The following FBXO31 variants were observed in gnomAD, a reference collection of about 807,000 sequenced individuals.
The protein encoded by FBXO31 is F-box protein 31, also known as F-box only protein 31.
In FBXO31, 24 loss-of-function variants were observed where a neutral mutation model predicts 54.4. That is an observed-to-expected ratio of 0.44 (90% confidence interval 0.32 to 0.62). The LOEUF (loss-of-function observed/expected upper bound fraction) is 0.62, where lower values mean the gene tolerates loss of function less well. Among genes scored for constraint, FBXO31 ranks in the 20% least tolerant of loss-of-function variants. The pLI, the probability that FBXO31 is intolerant of heterozygous loss-of-function variation, is 0.05. For missense variants in FBXO31, 665 were observed against 787.1 expected, an observed-to-expected ratio of 0.84 and a Z score of 1.86; for synonymous variants, 388 against 335.6, an observed-to-expected ratio of 1.16 and a Z score of -1.71.
At position 87,383,583 on chromosome 16, in the gene FBXO31, C is replaced by G; in HGVS notation, c.162G>C (p.Leu54Phe). 1.3e-6 allele frequency: 2 copies of G among 1,488,612 alleles called. No individual in the cohort carries two copies. Among genetic ancestry groups the G allele is most frequent in the South Asian group, 1.3e-5 (1 of 77,310 alleles). The allele number at this position is 1,488,612 out of a possible 1,614,324, so 92.2% of individuals were successfully genotyped here. A position where few individuals can be genotyped will look rare whatever the true frequency, so the allele number is the denominator to read the frequency against. ...IEASAGVGGG[L>F]CAGPSPPPPR... ...GGGGCGGCGGCGAGGGGCCCGCGCA[C>G]AAGCCGCCCCCGACCCCGGCGCTAG... Residue 54 changes from leucine to phenylalanine, a missense_variant, in exon 1 of 9, where the codon TTG becomes TTC. Transcript: ENST00000311635. The surrounding 1 kb of genome is among the most constrained non-coding windows in gnomAD (Gnocchi z 4.9).
rs1904713231 is a variant in FBXO31, at chr16:87,328,127, G to A, written c.*3161C>T. 1 of 152,316 alleles carries A rather than the reference G, an allele frequency of 6.6e-6. No homozygotes were observed. The highest frequency in any genetic ancestry group is 1.5e-5 in the Non-Finnish European group (1 of 68,080). 9.4% of individuals were successfully genotyped at this position (152,316 alleles called of 1,614,324 possible). The stretch of plus-strand genomic sequence containing the variant: ...GAAAATGGCCTAACCGTGTGCAGGT[G>A]AGAAAGCCTGGGGGTGAACACGCCC... On this transcript the variant is annotated 3_prime_UTR_variant, in exon 9 of 9. Coordinates refer to ENST00000311635, the MANE Select transcript of FBXO31 (RefSeq NM_024735.5).
intron 1 of FBXO31, among the ~76,000 whole-genome samples, chr16:87,381,058 T>C (rs1907055198): frequency 6.6e-6 from 1 of 152,196 alleles, no homozygotes; most frequent in Non-Finnish European, 1.5e-5. Flanking sequence ...CGACACATCC[T>C]TGGGGAATCT....
chr16:87,360,779 C>T (rs905493431), intron 1 of FBXO31, among the ~76,000 whole-genome samples: 7 of 152,190 alleles, frequency 4.6e-5, no homozygotes, highest in Non-Finnish European at 7.3e-5. Flanking sequence ...CAGTCCACCC[C>T]ATGTACTTCC....
intron 1 of FBXO31, among the ~76,000 whole-genome samples, chr16:87,379,508 G>C (rs184100691): frequency 6.6e-6 from 1 of 152,288 alleles, no homozygotes; most frequent in East Asian, 1.9e-4. Context: ...ATTACCTGCA[G>C]GTTGTGTTTG....
At chr16:87,355,975 T>C (rs1905872905) in intron 2 of FBXO31, among the ~76,000 whole-genome samples, 2 of 152,166 alleles carry the variant, frequency 1.3e-5, no homozygotes, top group African/African-American at 2.4e-5. Flanking sequence ...CTCTCAGTGC[T>C]TGTCCCCTTG....
rs1044228696 is a variant in FBXO31 at position 87,329,000 on chromosome 16, T to C, written c.*2288A>G. ...CTGCAGGATCCCCTGAGAGGGTGGA[T>C]GCCCTCCCCCGGAAGGGAAGCTGCT... is the stretch of plus-strand genomic sequence containing the variant. On this transcript the variant is annotated 3_prime_UTR_variant, in exon 9 of 9. Transcript: ENST00000311635. The C allele has an allele frequency of 2.3e-4, 35 of 152,254 alleles. No individual in the cohort carries two copies. Among genetic ancestry groups the C allele is most frequent in the African/African-American group, 8.2e-4 (34 of 41,456 alleles). 9.4% of individuals were successfully genotyped at this position (152,254 alleles called of 1,614,324 possible).
Position 87,336,090 on chromosome 16 carries a change from C to T in FBXO31, c.842+65G>A. 1 of 1,399,502 alleles carries T rather than the reference C, an allele frequency of 7.1e-7. No individual in the cohort carries two copies. Among genetic ancestry groups the T allele is most frequent in the Non-Finnish European group, 1.0e-6 (1 of 992,558 alleles). The allele number at this position is 1,399,502 out of a possible 1,614,324, so 86.7% of individuals were successfully genotyped here. ...GACTATGCCCCAGCACCCACCGGGA[C>T]AGGGCTGGTCCCCAGCACACACCAG... is the stretch of plus-strand genomic sequence containing the variant. On this transcript the variant is annotated intron_variant, in intron 6 of 8. Coordinates refer to ENST00000311635, the MANE Select transcript of FBXO31 (RefSeq NM_024735.5). This position sits in a 1 kb window ranked among gnomAD's most constrained non-coding sequence, Gnocchi z 6.5.
rs964486008 is a variant in FBXO31 at position 87,327,270 on chromosome 16, C to G, written c.*4018G>C. The stretch of plus-strand genomic sequence containing the variant: ...CCCCCTCGTGCTCTGGCTGGTCTCC[C>G]GGTCAGCAGCCCCTGAGGGCCGGCA... On this transcript the variant is annotated 3_prime_UTR_variant, in exon 9 of 9. Transcript: ENST00000311635. The G allele has an allele frequency of 6.6e-5, 10 of 152,644 alleles. No individual in the cohort carries two copies. Among genetic ancestry groups the G allele is most frequent in the African/African-American group, 2.4e-4 (10 of 41,480 alleles). 9.5% of individuals were successfully genotyped at this position (152,644 alleles called of 1,614,324 possible).
chr16:87,375,439 C>T (rs4843605), intron 1 of FBXO31, among the ~76,000 whole-genome samples: 39,460 of 151,986 alleles, frequency 0.26, 6,936 homozygotes, highest in South Asian at 0.7. Context: ...TGAAGTGAGC[C>T]GAGATCACGC....
At position 87,346,953 on chromosome 16, in the gene FBXO31, A is replaced by G. The variant is rs1338706750; in HGVS notation, c.489+221T>C. 1.3e-5 allele frequency among the ~76,000 whole-genome samples: 2 copies of G among 152,268 alleles called. No homozygotes were observed. The highest frequency in any genetic ancestry group is 2.4e-5 in the African/African-American group (1 of 41,476). On this transcript the variant is annotated intron_variant, in intron 3 of 8. Coordinates refer to ENST00000311635, the MANE Select transcript of FBXO31 (RefSeq NM_024735.5). This position sits in a 1 kb window ranked among gnomAD's most constrained non-coding sequence, Gnocchi z 4.2. Reference sequence around the variant, plus strand: ...CCACCCCCTCAGACCAGAGAGTCCAAGGACGGGCCACAAGGCCGAAGTGTT... The same window carrying G: ...CCACCCCCTCAGACCAGAGAGTCCAGGGACGGGCCACAAGGCCGAAGTGTT...
intron 8 of FBXO31, among the ~76,000 whole-genome samples, 187 bp downstream of exon 8, chr16:87,333,699 G>A (rs74038726): frequency 0.032 from 4,870 of 152,240 alleles, 272 homozygotes; most frequent in African/African-American, 0.11. Context: ...CCAGCTGCGC[G>A]GCCGCTTGCT....
rs1905060830 is a variant in FBXO31, at chr16:87,336,955, A to C, written c.733-691T>G. Reference sequence around the variant, plus strand: ...GTTCCCAGCTCAATACAGTGTTTCCAGTCATTATCTAGACCTAACTCTGAA... The same window carrying C: ...GTTCCCAGCTCAATACAGTGTTTCCCGTCATTATCTAGACCTAACTCTGAA... On this transcript the variant is annotated intron_variant, in intron 5 of 8. Transcript: ENST00000311635. This position sits in a 1 kb window ranked among gnomAD's most constrained non-coding sequence, Gnocchi z 6.5. Among the ~76,000 whole-genome samples, 1 of 152,214 alleles carries C rather than the reference A, an allele frequency of 6.6e-6. No homozygotes were observed. The highest frequency in any genetic ancestry group is 1.5e-5 in the Non-Finnish European group (1 of 68,038).
upstream of FBXO31, among the ~76,000 whole-genome samples, chr16:87,390,493 T>C (rs1907492546): frequency 6.6e-6 from 1 of 151,608 alleles, no homozygotes; most frequent in Non-Finnish European, 1.5e-5. Context: ...CAGGCTGGAG[T>C]GCAGTGGCAG....
At chr16:87,367,769 T>C (rs1032935850) in intron 1 of FBXO31, 1 of 152,212 alleles carries the variant, frequency 6.6e-6, no homozygotes, top group Admixed American at 6.5e-5. Flanking sequence ...AACGGCCAGA[T>C]GGGTGGACAC....
Position 87,336,311 on chromosome 16 carries a change from T to C in FBXO31, c.733-47A>G, listed in dbSNP as rs1484297266. ...TGAATATCCATATGACAGGAGGCTG[T>C]GAAGAGGCTGCCGGCTGTGCCGCTG... On this transcript the variant is annotated intron_variant, in intron 5 of 8. Coordinates refer to ENST00000311635, the MANE Select transcript of FBXO31 (RefSeq NM_024735.5). The surrounding 1 kb of genome is among the most constrained non-coding windows in gnomAD (Gnocchi z 6.5). 6.4e-7 allele frequency: 1 copy of C among 1,562,072 alleles called. No individual in the cohort carries two copies. The highest frequency in any genetic ancestry group is 2.2e-5 in the East Asian group (1 of 44,656).
rs1486335411 is a variant in FBXO31 at position 87,333,025 on chromosome 16, C to T, written c.1397+861G>A. Among the ~76,000 whole-genome samples the T allele has an allele frequency of 4.6e-5, 7 of 152,142 alleles. No homozygotes were observed. In the East Asian group the frequency reaches 5.8e-4, roughly 13 times the overall value. ...TGGAGCACTTGAAACATGGCCTGGG[C>T]GGCTGAGGGCCTGGATTTTTCATAT... On this transcript the variant is annotated intron_variant, in intron 8 of 8. Transcript: ENST00000311635.
rs1906015125 is a variant in FBXO31, at chr16:87,358,937, C to T, written c.412+1358G>A. On this transcript the variant is annotated intron_variant, in intron 2 of 8. Transcript: ENST00000311635. The surrounding 1 kb of genome is among the most constrained non-coding windows in gnomAD (Gnocchi z 4.0). ...CACCTGGCGTTTCCCAGCCTGCTAACTCAGGCCAGCCTCGTCACAGGTCAT... is the reference window on the plus strand; with the variant it reads ...CACCTGGCGTTTCCCAGCCTGCTAATTCAGGCCAGCCTCGTCACAGGTCAT... Among the ~76,000 whole-genome samples, 1 of 152,186 alleles carries T rather than the reference C, an allele frequency of 6.6e-6. No individual in the cohort carries two copies. The highest frequency in any genetic ancestry group is 2.4e-5 in the African/African-American group (1 of 41,452).
At chr16:87,389,028 T>G (rs1907422411) in intron 1 of FBXO31, among the ~76,000 whole-genome samples, 1 of 152,220 alleles carries the variant, frequency 6.6e-6, no homozygotes, top group Admixed American at 6.5e-5. Flanking sequence ...AAATTTCTAC[T>G]AAACTGCAGT....
chr16:87,370,181 G>A (rs565632250), intron 1 of FBXO31, among the ~76,000 whole-genome samples: 2 of 152,320 alleles, frequency 1.3e-5, no homozygotes, highest in East Asian at 3.9e-4. Flanking sequence ...CAGGGGCCCG[G>A]GGAAGACTCA....
Sources: allele counts gnomAD v4.1 joint callset (sites outside exome capture counted in the v4.1 genomes callset), GRCh38; gene constraint gnomAD v4.1.1; non-coding constraint Gnocchi (gnomAD v3.1); transcripts MANE v1.5; gene names NCBI Gene and HGNC (gene_info 2026-07-23, HGNC 2026-07-21).